The following CAST variants were observed in gnomAD, a reference collection of about 807,000 sequenced individuals.
CAST encodes calpastatin.
CAST carries 76 observed loss-of-function variants against 119.6 expected under a neutral mutation model. The ratio of observed to expected loss-of-function variants is 0.64; its 90% CI spans 0.53 to 0.77. The LOEUF (loss-of-function observed/expected upper bound fraction) is 0.77, where lower values mean the gene tolerates loss of function less well. Ranked by LOEUF, CAST falls within the 30% of genes least tolerant of loss-of-function variation. The pLI is 0.00. For synonymous variants in CAST, 319 were observed against 331.6 expected, an observed-to-expected ratio of 0.96 and a Z score of 0.41; for missense variants, 953 against 946.5, an observed-to-expected ratio of 1.01 and a Z score of -0.09.
the CAST span, among the ~76,000 whole-genome samples, chr5:96,305,334 CA>C: frequency 6.6e-6 from 1 of 152,210 alleles, no homozygotes; most frequent in Non-Finnish European, 1.5e-5. Context: ...AGTTGCTTAT[CA>C]GCGTAAGGAG....
chr5:96,762,519 G>GTAA (rs1207800936), intron 25 of CAST, 147 bp downstream of exon 25: 1 of 530,330 alleles, frequency 1.9e-6, no homozygotes, highest in Non-Finnish European at 3.4e-6. Flanking sequence ...CGAGACTGAT[G>GTAA]ATTTAGCGAG....
intron 1 of CAST, 43 bp downstream of exon 1, chr5:96,662,540 G>A (rs916885140): frequency 7.5e-7 from 1 of 1,337,742 alleles, no homozygotes; most frequent in Admixed American, 4.0e-5. Context: ...GGGCGATGGG[G>A]TACCGGGTCC....
the CAST span, among the ~76,000 whole-genome samples, chr5:96,458,569 A>C: frequency 5.9e-5 from 9 of 152,218 alleles, no homozygotes; most frequent in Admixed American, 3.9e-4. Context: ...CAAAAAAAGT[A>C]AGAATGGATA....
chr5:96,362,613 T>C, the CAST span, among the ~76,000 whole-genome samples: 2 of 152,234 alleles, frequency 1.3e-5, no homozygotes, highest in East Asian at 3.8e-4. Flanking sequence ...CATGTGTCTG[T>C]TGGCTGCATA....
the CAST span, among the ~76,000 whole-genome samples, chr5:95,991,497 GTTTT>G: frequency 1.5e-5 from 1 of 64,970 alleles, no homozygotes. Context: ...AACAAGTTTT[GTTTT>G]TTTTTTTTTT....
At chr5:96,563,608 C>CG (rs1746420501) in intron 1 of CAST, among the ~76,000 whole-genome samples, 1 of 152,002 alleles carries the variant, frequency 6.6e-6, no homozygotes, top group South Asian at 2.1e-4. Context: ...TGTCTATCTT[C>CG]AGATACTTTT....
chr5:96,545,042 A>T (rs954410439), intron 1 of CAST, among the ~76,000 whole-genome samples: 1 of 152,228 alleles, frequency 6.6e-6, no homozygotes, highest in African/African-American at 2.4e-5. Context: ...AAAGAGGTCA[A>T]TTCTCCAAGA....
intron 16 of CAST, among the ~76,000 whole-genome samples, chr5:96,745,863 G>A (rs949572101): frequency 6.6e-6 from 1 of 152,174 alleles, no homozygotes; most frequent in Admixed American, 6.5e-5. Context: ...AAAATTAGTC[G>A]TGTTTCCTCT....
the CAST span, among the ~76,000 whole-genome samples, chr5:96,031,827 T>C: frequency 2.6e-5 from 4 of 152,140 alleles, no homozygotes; most frequent in African/African-American, 9.7e-5. Flanking sequence ...ACATGCATTA[T>C]TTCATAGTTT....
chr5:96,590,840 C>A (rs556181497), intron 1 of CAST, among the ~76,000 whole-genome samples: 1 of 152,064 alleles, frequency 6.6e-6, no homozygotes, highest in Admixed American at 6.5e-5. Flanking sequence ...AAAAATGATT[C>A]GTCAATTAAA....
At chr5:96,143,664 T>A in the CAST span, among the ~76,000 whole-genome samples, 1 of 152,226 alleles carries the variant, frequency 6.6e-6, no homozygotes, top group African/African-American at 2.4e-5. Context: ...TTAATGAGGC[T>A]AAGTTATTTC....
At chr5:96,654,027 C>CTTTT (rs71617134) in intron 1 of CAST, among the ~76,000 whole-genome samples, 7 of 126,908 alleles carry the variant, frequency 5.5e-5, no homozygotes, top group Admixed American at 7.7e-5. Flanking sequence ...CTTTTCTTTT[C>CTTTT]TTTTTTTTTT....
intron 1 of CAST, among the ~76,000 whole-genome samples, chr5:96,585,199 T>G (rs1001075411): frequency 5.9e-5 from 9 of 152,164 alleles, no homozygotes; most frequent in African/African-American, 2.2e-4. Context: ...ACGTCCTGAT[T>G]TACTGTTTAT....
the CAST span, among the ~76,000 whole-genome samples, chr5:96,276,627 TA>T: frequency 1.3e-5 from 2 of 152,260 alleles, no homozygotes; most frequent in Non-Finnish European, 2.9e-5. Context: ...TATTGCTGAA[TA>T]TTTTTAACAT....
the CAST span, among the ~76,000 whole-genome samples, chr5:96,440,174 C>CTTTTTTTTTTTTT: frequency 1.4e-5 from 2 of 143,264 alleles, no homozygotes; most frequent in Non-Finnish European, 1.5e-5. Context: ...TTTATCCCAC[C>CTTTTTTTTTTTTT]TTTTTTTTTT....
At chr5:96,462,749 A>T in the CAST span, among the ~76,000 whole-genome samples, 1 of 152,094 alleles carries the variant, frequency 6.6e-6, no homozygotes. Context: ...CCCATGTGTC[A>T]AGGGACAAAC....
the CAST span, among the ~76,000 whole-genome samples, chr5:96,310,888 G>C: frequency 6.9e-6 from 1 of 145,134 alleles, no homozygotes; most frequent in African/African-American, 2.5e-5. Context: ...ACTTCTATTT[G>C]TGTTGATCTT....
the CAST span, among the ~76,000 whole-genome samples, chr5:96,235,312 T>G: frequency 6.6e-6 from 1 of 152,204 alleles, no homozygotes; most frequent in Non-Finnish European, 1.5e-5. Context: ...TGTGTGGCTT[T>G]GAACAATTCA....
chr5:96,084,661 T>A, the CAST span, among the ~76,000 whole-genome samples: 1 of 152,056 alleles, frequency 6.6e-6, no homozygotes, highest in African/African-American at 2.4e-5. Context: ...GACTGGGAAG[T>A]AAAGGCCACT....
Sources: allele counts gnomAD v4.1 joint callset (sites outside exome capture counted in the v4.1 genomes callset), GRCh38; gene constraint gnomAD v4.1.1; transcripts MANE v1.5; gene names NCBI Gene and HGNC (gene_info 2026-07-23, HGNC 2026-07-21).